PARVB: variants seen among roughly 807,000 people sequenced by gnomAD.
PARVB encodes parvin beta.
PARVB carries 46 observed loss-of-function variants against 47.0 expected under a neutral mutation model. That is an observed-to-expected ratio of 0.98 (90% CI 0.77 to 1.25). PARVB has a LOEUF of 1.25. Ranked by LOEUF, PARVB falls within the 50% of genes most tolerant of loss-of-function variation. The pLI is 0.00. For synonymous variants in PARVB, 196 were observed against 196.3 expected, an observed-to-expected ratio of 1.00 and a Z score of 0.01; for missense variants, 473 against 471.6, an observed-to-expected ratio of 1.00 and a Z score of -0.03.
intron 8 of PARVB, 52 bp downstream of exon 8, chr22:44,140,195 A>G (rs527428630): frequency 2.5e-6 from 4 of 1,586,900 alleles, no homozygotes; most frequent in Non-Finnish European, 1.7e-6. Flanking sequence ...GGGCTCCCCC[A>G]GGAAGCTCCC....
intron 9 of PARVB, 86 bp from the exon 10 acceptor site, chr22:44,151,397 G>A (rs1252169588): frequency 3.2e-6 from 3 of 951,130 alleles, no homozygotes; most frequent in African/African-American, 3.2e-5. Context: ...CACAGAGCTG[G>A]GGCTGGCAAA....
intron 4 of PARVB, among the ~76,000 whole-genome samples, chr22:44,124,061 A>G (rs991987191): frequency 6.6e-6 from 1 of 152,176 alleles, no homozygotes; most frequent in African/African-American, 2.4e-5. Context: ...TGACTGGCAC[A>G]TGACAAATAT....
rs540091280 is a variant in PARVB at position 44,097,549 on chromosome 22, G to A, written c.203-2504G>A. On this transcript the variant is annotated intron_variant, in intron 2 of 12. Transcript: ENST00000338758. ...CCAGATACAGAGGTGTTTCTCATCT[G>A]GAGCAAGCGCCTGCTCTGAATCAGG... is the stretch of plus-strand genomic sequence containing the variant. Among the ~76,000 whole-genome samples the A allele has an allele frequency of 2.2e-4, 33 of 152,350 alleles. No homozygotes were observed. In the South Asian group the frequency reaches 5.0e-3, roughly 23 times the overall value.
At chr22:44,141,135 T>A (rs761772747) in intron 8 of PARVB, 3 of 155,082 alleles carry the variant, frequency 1.9e-5, no homozygotes, top group Non-Finnish European at 4.3e-5. Flanking sequence ...CCCTGAGTCC[T>A]ATACAATGAG....
intron 1 of PARVB, among the ~76,000 whole-genome samples, chr22:44,074,237 G>A (rs374392511): frequency 6.6e-5 from 10 of 152,352 alleles, no homozygotes; most frequent in African/African-American, 2.4e-4. Flanking sequence ...TGTCGTGCCA[G>A]TGAGCCCTGG....
intron 5 of PARVB, among the ~76,000 whole-genome samples, chr22:44,132,688 C>T (rs922248117): frequency 6.6e-6 from 1 of 152,144 alleles, no homozygotes; most frequent in African/African-American, 2.4e-5. Context: ...GCACAAGTCA[C>T]CTTAGGCCAA....
chr22:44,025,503 G>C (rs549657566), intron 1 of PARVB, among the ~76,000 whole-genome samples: 1 of 152,254 alleles, frequency 6.6e-6, no homozygotes, highest in South Asian at 2.1e-4. Context: ...GGAACGCTTG[G>C]TTCCCCAGAC....
In PARVB at chr22:44,163,846, C is replaced by G; in HGVS notation, c.946-12C>G. On this transcript the variant is annotated splice_polypyrimidine_tract_variant and intron_variant, in intron 11 of 12. Coordinates refer to ENST00000338758, the MANE Select transcript of PARVB (RefSeq NM_013327.5). ...TGGACCCTAACGCTGACCCACCCCC[C>G]TTCCTTGGCAGGTCCACAATGTGTC... The G allele has an allele frequency of 6.2e-7, 1 of 1,602,256 alleles. No individual in the cohort carries two copies. The highest frequency in any genetic ancestry group is 8.5e-7 in the Non-Finnish European group (1 of 1,174,072).
At chr22:44,064,239 C>T (rs528884149) in intron 1 of PARVB, among the ~76,000 whole-genome samples, 6 of 152,234 alleles carry the variant, frequency 3.9e-5, no homozygotes, top group Non-Finnish European at 8.8e-5. Flanking sequence ...ATAGTCACGC[C>T]GAAACCCAGC....
chr22:44,168,924 C>G lies in PARVB; in HGVS notation c.*246C>G, dbSNP rs760502897. 102 of 465,122 alleles carry G rather than the reference C, an allele frequency of 2.2e-4. No individual in the cohort carries two copies. The Middle Eastern group carries it at 4.1e-3, about 19-fold the overall frequency. 28.8% of individuals were successfully genotyped at this position (465,122 alleles called of 1,614,324 possible). On this transcript the variant is annotated 3_prime_UTR_variant, in exon 13 of 13. Transcript: ENST00000338758. ...TTGAAAATGCAGGATTCTAAACACT[C>G]GTGCTTGCGTTTGAAGCCTCGCGTC...
intron 2 of PARVB, chr22:44,009,652 G>T (rs2050501841): frequency 6.7e-6 from 1 of 149,442 alleles, no homozygotes; most frequent in Admixed American, 6.7e-5. Flanking sequence ...ATATAAAATA[G>T]GTTTTAAAAC....
intron 9 of PARVB, chr22:44,148,868 C>T (rs2147141279): frequency 6.6e-6 from 1 of 152,270 alleles, no homozygotes; most frequent in African/African-American, 2.4e-5. Context: ...AAGCATTTTG[C>T]AAAAGGCTGT....
intron 2 of PARVB, among the ~76,000 whole-genome samples, chr22:44,095,476 C>T (rs368859991): frequency 7.3e-5 from 11 of 151,578 alleles, no homozygotes; most frequent in Admixed American, 5.2e-4. Context: ...TGCACTCCAA[C>T]CTGGGTGACA....
chr22:44,020,176 C>CTTTT (rs60438723), upstream of PARVB, among the ~76,000 whole-genome samples: 10 of 136,182 alleles, frequency 7.3e-5, no homozygotes, highest in African/African-American at 2.7e-4. Flanking sequence ...ACAGTCACCA[C>CTTTT]TTTTTTTTTT....
At chr22:44,162,312 T>TTTTG (rs368466353) in intron 11 of PARVB, among the ~76,000 whole-genome samples, 1 of 152,176 alleles carries the variant, frequency 6.6e-6, no homozygotes, top group South Asian at 2.1e-4. Context: ...TGAAAGGATT[T>TTTTG]TTTGTTTGTT....
intron 1 of PARVB, among the ~76,000 whole-genome samples, chr22:44,083,433 G>A (rs1447496136): frequency 6.6e-6 from 1 of 152,182 alleles, no homozygotes; most frequent in African/African-American, 2.4e-5. Context: ...GGTGCAGGGA[G>A]ATGAGCACAG....
chr22:44,036,444 A>G (rs1170033892), intron 1 of PARVB, among the ~76,000 whole-genome samples: 4 of 152,130 alleles, frequency 2.6e-5, no homozygotes, highest in African/African-American at 9.7e-5. Flanking sequence ...ATCTACATAT[A>G]TTTTATGCAT....
At chr22:44,018,729 A>C (rs898789510) in intron 2 of PARVB, among the ~76,000 whole-genome samples, 2 of 152,056 alleles carry the variant, frequency 1.3e-5, no homozygotes, top group African/African-American at 4.8e-5. Context: ...TCCTTGCACA[A>C]GATCAAGTGC....
intron 12 of PARVB, among the ~76,000 whole-genome samples, chr22:44,164,415 C>CCCA (rs139972042): frequency 0.089 from 12,378 of 139,276 alleles, 696 homozygotes; most frequent in Non-Finnish European, 0.13. Flanking sequence ...CCTGTCCCCC[C>CCCA]CCCGGCTCCT....
Sources: allele counts gnomAD v4.1 joint callset (sites outside exome capture counted in the v4.1 genomes callset), GRCh38; gene constraint gnomAD v4.1.1; transcripts MANE v1.5; gene names NCBI Gene and HGNC (gene_info 2026-07-23, HGNC 2026-07-21).